The following TSC1 variants were observed in gnomAD, a reference collection of about 807,000 sequenced individuals.
TSC1 encodes TSC complex subunit 1.
Under a neutral mutation model 124.3 loss-of-function variants are expected in TSC1, and 20 were observed. The ratio of observed to expected loss-of-function variants is 0.16; its 90% CI spans 0.11 to 0.23. TSC1 has a LOEUF of 0.23. Among genes scored for constraint, TSC1 ranks in the 10% least tolerant of loss-of-function variants. TSC1 has a pLI of 1.00. For missense variants in TSC1, 1,124 were observed against 1,448.5 expected, an observed-to-expected ratio of 0.78 and a Z score of 3.64; for synonymous variants, 493 against 539.1, an observed-to-expected ratio of 0.91 and a Z score of 1.19.
intron 1 of TSC1, among the ~76,000 whole-genome samples, chr9:132,939,780 T>A (rs1394198045): frequency 6.6e-6 from 1 of 151,966 alleles, no homozygotes; most frequent in African/African-American, 2.4e-5. Context: ...GGAAGAAGGG[T>A]ATAGTTTGAT....
rs776158461 is a variant in TSC1, at chr9:132,927,297, G to A, written c.114C>T (p.Gly38=). ...VFKENLNSDR[G]PMLVNTLVDY... is the part of the protein sequence containing the mutation. Reference sequence around the variant, plus strand: ...CCACCAAGGTGTTTACAAGCATAGGGCCACGGTCTAAATCAAGAAAAGGGC... The same window carrying A: ...CCACCAAGGTGTTTACAAGCATAGGACCACGGTCTAAATCAAGAAAAGGGC... Residue 38 remains glycine (G), a synonymous_variant, in exon 4 of 23, where the codon GGC becomes GGT. Transcript: ENST00000298552. The A allele has an allele frequency of 3.1e-6, 5 of 1,613,506 alleles. No homozygotes were observed. In the Admixed American group the frequency reaches 5.0e-5, roughly 16 times the overall value.
chr9:132,919,189 G>A (rs145844793), intron 8 of TSC1, among the ~76,000 whole-genome samples: 8 of 152,276 alleles, frequency 5.3e-5, no homozygotes, highest in African/African-American at 7.2e-5. Context: ...GGAAAGGTAC[G>A]GTAAAGATGT....
At chr9:132,904,329 G>A in intron 16 of TSC1, 82 bp downstream of exon 16, 1 of 1,483,926 alleles carries the variant, frequency 6.7e-7, no homozygotes, top group Non-Finnish European at 9.4e-7. Flanking sequence ...TTTCCCAGAG[G>A]GCACCTCCTT....
chr9:132,914,343 G>C (rs1258952698), intron 8 of TSC1, among the ~76,000 whole-genome samples: 1 of 152,042 alleles, frequency 6.6e-6, no homozygotes, highest in Non-Finnish European at 1.5e-5. Flanking sequence ...ATAACCCAAA[G>C]TTCAACCAAA....
chr9:132,941,240 C>G (rs374940610), intron 1 of TSC1: 1 of 152,060 alleles, frequency 6.6e-6, no homozygotes, highest in African/African-American at 2.4e-5. Context: ...TAGCACTGAA[C>G]GAGAGAAAGG....
intron 4 of TSC1, 183 bp from the exon 5 acceptor site, chr9:132,925,922 T>C: frequency 7.7e-6 from 6 of 775,560 alleles, no homozygotes; most frequent in Non-Finnish European, 8.1e-6. Context: ...ACTGCTGCAT[T>C]TGGCCTGACA....
chr9:132,943,404 A>T (rs528639492), intron 1 of TSC1: 1 of 152,338 alleles, frequency 6.6e-6, no homozygotes, highest in East Asian at 1.9e-4. Flanking sequence ...GCATCCCCCC[A>T]CTTCAACATT....
In TSC1 at chr9:132,923,677, T is replaced by G; in HGVS notation, c.364-185A>C. 1 of 800,550 alleles carries G rather than the reference T, an allele frequency of 1.2e-6. No individual in the cohort carries two copies. The highest frequency in any genetic ancestry group is 2.0e-6 in the Non-Finnish European group (1 of 498,084). The allele number at this position is 800,550 out of a possible 1,614,324, so 49.6% of individuals were successfully genotyped here. ...CATTCAAACAGACTCAACAGAACAC[T>G]GAGCCCCAACTCTACTGTAATGAGT... On this transcript the variant is annotated intron_variant, in intron 5 of 22. Transcript: ENST00000298552. The surrounding 1 kb of genome is among the most constrained non-coding windows in gnomAD (Gnocchi z 4.2).
In TSC1 at chr9:132,896,811, A is replaced by T; in HGVS notation, c.2976-57T>A. ...TGGTGATTGGACTGTCCACATTCGGAGGATGTGGAATTACACTGACACTCA... is the reference window on the plus strand; with the variant it reads ...TGGTGATTGGACTGTCCACATTCGGTGGATGTGGAATTACACTGACACTCA... On this transcript the variant is annotated intron_variant, in intron 22 of 22. Transcript: ENST00000298552. The surrounding 1 kb of genome is among the most constrained non-coding windows in gnomAD (Gnocchi z 4.5). The T allele has an allele frequency of 6.2e-7, 1 of 1,608,606 alleles. No individual in the cohort carries two copies. The highest frequency in any genetic ancestry group is 1.1e-5 in the South Asian group (1 of 90,716).
intron 1 of TSC1, among the ~76,000 whole-genome samples, chr9:132,944,233 C>T (rs1847925073): frequency 6.6e-6 from 1 of 152,144 alleles, no homozygotes. Flanking sequence ...GACGAAGGGG[C>T]CCACCTCGCC....
At chr9:132,933,471 T>C (rs57087170) in intron 2 of TSC1, among the ~76,000 whole-genome samples, 14,188 of 152,168 alleles carry the variant, frequency 0.093, 661 homozygotes, top group African/African-American at 0.11. Flanking sequence ...ATAAGAATAA[T>C]TGCTAAAGGC....
Position 132,906,844 on chromosome 9 carries a change from A to G in TSC1, c.1334-9T>C, listed in dbSNP as rs2131869691. ...GCTGCCAGGTGGCTCTTCTGAAGAG[A>G]AACAAAGACAACTGAAGTCAAAGAA... On this transcript the variant is annotated splice_polypyrimidine_tract_variant and intron_variant, in intron 13 of 22. Coordinates refer to ENST00000298552, the MANE Select transcript of TSC1 (RefSeq NM_000368.5). This position sits in a 1 kb window ranked among gnomAD's most constrained non-coding sequence, Gnocchi z 4.1. 1.9e-6 allele frequency: 3 copies of G among 1,610,716 alleles called. No individual in the cohort carries two copies. Among genetic ancestry groups the G allele is most frequent in the Non-Finnish European group, 2.5e-6 (3 of 1,176,990 alleles).
At position 132,893,290 on chromosome 9, in the gene TSC1, T is replaced by C; in HGVS notation, c.*2945A>G. ...TAAAACTCATCTCCAAGGACATCTTTCACAACTTCTCCATCTAAGAAATGA... is the reference window on the plus strand; with the variant it reads ...TAAAACTCATCTCCAAGGACATCTTCCACAACTTCTCCATCTAAGAAATGA... On this transcript the variant is annotated 3_prime_UTR_variant, in exon 23 of 23. Coordinates refer to ENST00000298552, the MANE Select transcript of TSC1 (RefSeq NM_000368.5). The C allele has an allele frequency of 4.3e-6, 1 of 233,346 alleles. No individual in the cohort carries two copies. Among genetic ancestry groups the C allele is most frequent in the Non-Finnish European group, 8.5e-6 (1 of 118,070 alleles). 14.5% of individuals were successfully genotyped at this position (233,346 alleles called of 1,614,324 possible).
chr9:132,892,374 G>A lies in TSC1; in HGVS notation c.*3861C>T, dbSNP rs765057102. 3 of 233,224 alleles carry A rather than the reference G, an allele frequency of 1.3e-5. No homozygotes were observed. Among genetic ancestry groups the A allele is most frequent in the Non-Finnish European group, 2.5e-5 (3 of 118,090 alleles). The allele number at this position is 233,224 out of a possible 1,614,324, so 14.4% of individuals were successfully genotyped here. On this transcript the variant is annotated 3_prime_UTR_variant, in exon 23 of 23. Coordinates refer to ENST00000298552, the MANE Select transcript of TSC1 (RefSeq NM_000368.5). ...ACAGATACACAAACATCTTCAGACT[G>A]GATACATTTTTCCAATACTTGTTGC...
At position 132,892,836 on chromosome 9, in the gene TSC1, C is replaced by G; in HGVS notation, c.*3399G>C. The G allele has an allele frequency of 4.3e-6, 1 of 233,304 alleles. No homozygotes were observed. The highest frequency in any genetic ancestry group is 8.5e-6 in the Non-Finnish European group (1 of 118,064). 14.5% of individuals were successfully genotyped at this position (233,304 alleles called of 1,614,324 possible). A position where few individuals can be genotyped will look rare whatever the true frequency, so the allele number is the denominator to read the frequency against. ...CAGTGAGTCTGAGCCTCTGTGGTCT[C>G]AGAGATCCTTTCATCCCCATGACCA... On this transcript the variant is annotated 3_prime_UTR_variant, in exon 23 of 23. Transcript: ENST00000298552.
chr9:132,903,937 CT>C lies in TSC1; in HGVS notation c.2042-121del. ...TTCTTTAAAAACAAATCACCACTCT[CT>C]TTGCAAATGACCACTTGACTCCCAG... On this transcript the variant is annotated intron_variant, in intron 16 of 22. Coordinates refer to ENST00000298552, the MANE Select transcript of TSC1 (RefSeq NM_000368.5). This position sits in a 1 kb window ranked among gnomAD's most constrained non-coding sequence, Gnocchi z 5.9. 1 of 1,228,726 alleles carries C rather than the reference CT, an allele frequency of 8.1e-7. No individual in the cohort carries two copies. The highest frequency in any genetic ancestry group is 1.2e-6 in the Non-Finnish European group (1 of 860,760). 76.1% of individuals were successfully genotyped at this position (1,228,726 alleles called of 1,614,324 possible). A position where few individuals can be genotyped will look rare whatever the true frequency, so the allele number is the denominator to read the frequency against.
intron 1 of TSC1, among the ~76,000 whole-genome samples, chr9:132,937,219 G>A (rs530519780): frequency 4.0e-4 from 61 of 152,312 alleles, no homozygotes; most frequent in Non-Finnish European, 1.5e-4. Flanking sequence ...CAAGGTGGGC[G>A]GATCACCTGG....
chr9:132,916,204 T>C (rs1846265634), intron 8 of TSC1, among the ~76,000 whole-genome samples: 1 of 152,136 alleles, frequency 6.6e-6, no homozygotes, highest in African/African-American at 2.4e-5. Flanking sequence ...GTATATAAAA[T>C]AGAAGTACAG....
At chr9:132,920,287 C>CAGA (rs146156814) in intron 8 of TSC1, among the ~76,000 whole-genome samples, 2,819 of 152,242 alleles carry the variant, frequency 0.019, 97 homozygotes, top group African/African-American at 0.064. Flanking sequence ...GCCTCCTAGT[C>CAGA]AACTAGCTTT....
Sources: allele counts gnomAD v4.1 joint callset (sites outside exome capture counted in the v4.1 genomes callset), GRCh38; gene constraint gnomAD v4.1.1; non-coding constraint Gnocchi (gnomAD v3.1); transcripts MANE v1.5; gene names NCBI Gene and HGNC (gene_info 2026-07-23, HGNC 2026-07-21).